Variants in AFAP1L2 observed in about 807,000 individuals in gnomAD.
AFAP1L2 encodes the protein actin filament-associated protein 1-like 2.
AFAP1L2 carries 46 observed loss-of-function variants against 99.3 expected under a neutral mutation model. The ratio of observed to expected loss-of-function variants is 0.46; its 90% confidence interval spans 0.37 to 0.59. The LOEUF is 0.59. Ranked by LOEUF, AFAP1L2 falls within the 20% of genes least tolerant of loss-of-function variation. The pLI is 0.00. For synonymous variants in AFAP1L2, 397 were observed against 419.1 expected (o/e 0.95, Z 0.64); for missense variants, 959 against 1,034.9 (o/e 0.93, Z 1.01).
chr10:114,305,758 A>G (rs1256404766), intron 10 of AFAP1L2, among the ~76,000 whole-genome samples: 3 of 80,262 alleles, frequency 3.7e-5, no homozygotes, highest in African/African-American at 1.5e-4. Context: ...GGGTGCACGT[A>G]CAGGACTGGT....
chr10:114,330,404 C>A (rs1350417105), intron 4 of AFAP1L2, among the ~76,000 whole-genome samples: 1 of 152,200 alleles, frequency 6.6e-6, no homozygotes, highest in Non-Finnish European at 1.5e-5. Context: ...GGATCCCTCC[C>A]CAGCCATGCC....
chr10:114,393,224 C>T (rs2057339337), intron 1 of AFAP1L2, among the ~76,000 whole-genome samples: 1 of 152,014 alleles, frequency 6.6e-6, no homozygotes, highest in African/African-American at 2.4e-5. Context: ...ACTAAGTGCC[C>T]CAAAGCCACC....
Position 114,295,601 on chromosome 10 carries a change from A to C in AFAP1L2, c.*441T>G. ...AAGGATGGTTTAATCCCCAACTGCT[A>C]AGTATTGGATAAGAGATGATGGCCA... On this transcript the variant is annotated 3_prime_UTR_variant, in exon 19 of 19. Transcript: ENST00000304129. 2.0e-6 allele frequency: 2 copies of C among 989,942 alleles called. No individual in the cohort carries two copies. Among genetic ancestry groups the C allele is most frequent in the Non-Finnish European group, 2.4e-6 (2 of 832,956 alleles). The allele number at this position is 989,942 out of a possible 1,614,324, so 61.3% of individuals were successfully genotyped here.
chr10:114,318,893 C>A lies in AFAP1L2; in HGVS notation c.407-3128G>T, dbSNP rs145895279. ...TCTTGGCCAGGCATGGTGGCTCATGCCTGTAATTCCAGTACTTTGGAAGGC... is the reference window on the plus strand; with the variant it reads ...TCTTGGCCAGGCATGGTGGCTCATGACTGTAATTCCAGTACTTTGGAAGGC... On this transcript the variant is annotated intron_variant, in intron 5 of 18. Transcript: ENST00000304129. 2.5e-3 allele frequency among the ~76,000 whole-genome samples: 373 copies of A among 152,178 alleles called. 1 individual carries two copies. Among genetic ancestry groups the A allele is most frequent in the African/African-American group, 8.7e-3 (360 of 41,520 alleles).
intron 7 of AFAP1L2, among the ~76,000 whole-genome samples, chr10:114,311,558 A>C (rs1019395393): frequency 2.6e-5 from 4 of 152,348 alleles, no homozygotes; most frequent in African/African-American, 9.6e-5. Context: ...CTGCATCTGT[A>C]AGCTGGGTCA....
intron 4 of AFAP1L2, among the ~76,000 whole-genome samples, chr10:114,327,149 A>ATT (rs1177376973): frequency 2.7e-4 from 3 of 11,314 alleles, no homozygotes; most frequent in Non-Finnish European, 3.6e-4. Flanking sequence ...ATATATATTT[A>ATT]TATATATATA....
intron 4 of AFAP1L2, among the ~76,000 whole-genome samples, chr10:114,324,090 T>G (rs925802162): frequency 1.3e-4 from 20 of 152,196 alleles, no homozygotes; most frequent in African/African-American, 4.8e-4. Flanking sequence ...CCTCCCTTAT[T>G]CCACCTGCAT....
the AFAP1L2 span, among the ~76,000 whole-genome samples, chr10:114,284,268 G>GT: frequency 3.3e-5 from 5 of 152,196 alleles, no homozygotes; most frequent in Non-Finnish European, 7.3e-5. Context: ...GTTGGGGAGT[G>GT]TTTTTTTAGT....
At position 114,384,692 on chromosome 10, in the gene AFAP1L2, T is replaced by C. The variant is rs569993147; in HGVS notation, c.16+19748A>G. Among the ~76,000 whole-genome samples, 55 of 152,286 alleles carry C rather than the reference T, an allele frequency of 3.6e-4. 1 individual carries two copies. Among genetic ancestry groups the C allele is most frequent in the Middle Eastern group, 3.4e-3 (1 of 294 alleles). ...CCCATGGGGAGCCCAGCAGCACCGG[T>C]TAAACACCTACTTCCAGAGAGAGGT... is the stretch of plus-strand genomic sequence containing the variant. On this transcript the variant is annotated intron_variant, in intron 1 of 18. Coordinates refer to ENST00000304129, the MANE Select transcript of AFAP1L2 (RefSeq NM_001001936.3).
At chr10:114,354,630 T>A (rs1032664284) in intron 1 of AFAP1L2, among the ~76,000 whole-genome samples, 1 of 152,178 alleles carries the variant, frequency 6.6e-6, no homozygotes, top group Non-Finnish European at 1.5e-5. Context: ...TGGGATTTGC[T>A]ATATGGGCTT....
intron 11 of AFAP1L2, among the ~76,000 whole-genome samples, chr10:114,304,260 C>G (rs2041749141): frequency 6.6e-6 from 1 of 152,232 alleles, no homozygotes. Context: ...CGTTATGTCA[C>G]TTCTTATTTT....
rs534775988 is a variant in AFAP1L2, at chr10:114,299,749, C to T, written c.1958-334G>A. 3.3e-5 allele frequency among the ~76,000 whole-genome samples: 5 copies of T among 152,304 alleles called. No homozygotes were observed. In the South Asian group the frequency reaches 1.0e-3, roughly 32 times the overall value. On this transcript the variant is annotated intron_variant, in intron 15 of 18. Coordinates refer to ENST00000304129, the MANE Select transcript of AFAP1L2 (RefSeq NM_001001936.3). ...CCGCTCTCAGTCTGGGTGGGCACCA[C>T]CTAATCAGCTGCCAGCATGGCTAGA... is the stretch of plus-strand genomic sequence containing the variant.
chr10:114,321,162 T>C (rs1479137051), intron 5 of AFAP1L2, among the ~76,000 whole-genome samples: 1 of 152,112 alleles, frequency 6.6e-6, no homozygotes, highest in Non-Finnish European at 1.5e-5. Flanking sequence ...GGGGTTCAGG[T>C]GGATGCATTC....
chr10:114,290,523 C>T (rs967589300), downstream of AFAP1L2, among the ~76,000 whole-genome samples: 1 of 152,248 alleles, frequency 6.6e-6, no homozygotes. Context: ...GTACCTCCTG[C>T]ATCCCAGGCA....
chr10:114,322,220 C>T (rs1217736744), intron 5 of AFAP1L2, among the ~76,000 whole-genome samples: 3 of 152,188 alleles, frequency 2.0e-5, no homozygotes, highest in African/African-American at 7.2e-5. Context: ...GTTACCTAGT[C>T]TCGGGCGTGT....
At position 114,340,696 on chromosome 10, in the gene AFAP1L2, G is replaced by A. The variant is rs1164982807; in HGVS notation, c.52C>T (p.Leu18Phe). The A allele has an allele frequency of 1.9e-6, 3 of 1,614,090 alleles. No individual in the cohort carries two copies. The African/African-American group carries it at 4.0e-5, about 22-fold the overall frequency. Residue 18 changes from leucine to phenylalanine, a missense_variant, in exon 2 of 19, where the codon CTC becomes TTC. Physicochemically the swap from Leu to Phe is conservative, Grantham distance 22 (BLOSUM62 0). Transcript: ENST00000304129. Reference protein sequence around the residue: ...EQLLTELDDFLKILDQENLSS... With the variant: ...EQLLTELDDFFKILDQENLSS... Reference sequence around the variant, plus strand: ...AGGTTCTCCTGGTCAAGAATCTTGAGGAAGTCATCCAACTCTGTCAGCAGC... The same window carrying A: ...AGGTTCTCCTGGTCAAGAATCTTGAAGAAGTCATCCAACTCTGTCAGCAGC...
intron 1 of AFAP1L2, among the ~76,000 whole-genome samples, chr10:114,374,142 T>G (rs2054499571): frequency 6.6e-6 from 1 of 152,170 alleles, no homozygotes; most frequent in Non-Finnish European, 1.5e-5. Context: ...CATTCCGGGC[T>G]TGGGAGGATG....
At chr10:114,301,871 CT>C in intron 12 of AFAP1L2, 1 of 261,106 alleles carries the variant, frequency 3.8e-6, no homozygotes. Flanking sequence ...AAAACTGATT[CT>C]GTTTCAGTGG....
chr10:114,362,198 A>G (rs947111622), intron 1 of AFAP1L2, among the ~76,000 whole-genome samples: 10 of 152,236 alleles, frequency 6.6e-5, no homozygotes, highest in African/African-American at 2.4e-4. Flanking sequence ...GAAAATTGCC[A>G]GACACAAAGC....
Sources: gnomAD v4.1 joint callset for allele counts (sites outside exome capture counted in the v4.1 genomes callset) on GRCh38, gnomAD v4.1.1 for gene constraint, MANE v1.5 for transcripts, NCBI Gene and HGNC (gene_info 2026-07-23, HGNC 2026-07-21) for gene names.